Variants in ARHGEF28 observed in about 807,000 individuals in gnomAD.
The protein encoded by ARHGEF28 is Rho guanine nucleotide exchange factor 28, also known as 190 kDa guanine nucleotide exchange factor.
Under a neutral mutation model 206.6 loss-of-function variants are expected in ARHGEF28, and 152 were observed. The ratio of observed to expected loss-of-function variants is 0.74; its 90% CI spans 0.64 to 0.84. ARHGEF28 has a LOEUF of 0.84. ARHGEF28 is among the 40% of genes least tolerant of loss of function. ARHGEF28 has a pLI of 0.00. For missense variants in ARHGEF28, 2,028 were observed against 2,073.2 expected, an observed-to-expected ratio of 0.98 and a Z score of 0.42; for synonymous variants, 763 against 776.4, an observed-to-expected ratio of 0.98 and a Z score of 0.29.
intron 1 of ARHGEF28, among the ~76,000 whole-genome samples, chr5:73,648,587 G>A (rs1332510955): frequency 6.6e-6 from 1 of 152,226 alleles, no homozygotes; most frequent in Non-Finnish European, 1.5e-5. Flanking sequence ...AGGGCTGAAT[G>A]TTCCCTAAAC....
chr5:73,628,804 G>C (rs1743173306), intron 1 of ARHGEF28, among the ~76,000 whole-genome samples: 2 of 152,174 alleles, frequency 1.3e-5, no homozygotes, highest in African/African-American at 4.8e-5. Flanking sequence ...GCTGGGCTTT[G>C]AGATATTTTT....
intron 9 of ARHGEF28, among the ~76,000 whole-genome samples, chr5:73,797,638 C>T (rs1441190555): frequency 6.6e-6 from 1 of 152,140 alleles, no homozygotes; most frequent in Non-Finnish European, 1.5e-5. Flanking sequence ...CCAGCCTCGG[C>T]CTCCTAAAGT....
chr5:73,930,129 A>G (rs1273171274), intron 35 of ARHGEF28, among the ~76,000 whole-genome samples: 1 of 152,240 alleles, frequency 6.6e-6, no homozygotes, highest in Non-Finnish European at 1.5e-5. Context: ...TATTTCAAGT[A>G]TAACACCTAG....
intron 9 of ARHGEF28, among the ~76,000 whole-genome samples, chr5:73,801,001 TA>T (rs144525323): frequency 0.035 from 5,277 of 152,254 alleles, 314 homozygotes; most frequent in African/African-American, 0.12. Flanking sequence ...GTGCAGTCAA[TA>T]AGTGCTAGTT....
At chr5:73,754,216 A>AG (rs1203672359) in intron 4 of ARHGEF28, among the ~76,000 whole-genome samples, 1 of 152,194 alleles carries the variant, frequency 6.6e-6, no homozygotes. Flanking sequence ...CTCTGGGTAA[A>AG]GGGGTGTGAA....
chr5:73,869,120 A>G (rs1759902347), intron 20 of ARHGEF28, among the ~76,000 whole-genome samples: 2 of 146,544 alleles, frequency 1.4e-5, no homozygotes, highest in Non-Finnish European at 3.0e-5. Context: ...AAGTCTTTAA[A>G]TTCATTGTCA....
chr5:73,742,339 A>G (rs113205389), intron 2 of ARHGEF28, among the ~76,000 whole-genome samples: 6 of 152,178 alleles, frequency 3.9e-5, no homozygotes, highest in African/African-American at 1.4e-4. Context: ...ATATCTACAT[A>G]TAGCTATTTG....
In ARHGEF28 at chr5:73,840,775, T is replaced by G; in HGVS notation, c.1427+15T>G. ...AAGAAAAGAAGGTAAGAGTCTATAT[T>G]GTAGAGGAAAACTGTAGAACATCAA... On this transcript the variant is annotated intron_variant, in intron 11 of 35. Transcript: ENST00000513042. 6.3e-7 allele frequency: 1 copy of G among 1,596,200 alleles called. No individual in the cohort carries two copies. Among genetic ancestry groups the G allele is most frequent in the Non-Finnish European group, 8.5e-7 (1 of 1,170,868 alleles).
intron 35 of ARHGEF28, among the ~76,000 whole-genome samples, chr5:73,917,670 C>T (rs1266810626): frequency 6.6e-6 from 1 of 152,220 alleles, no homozygotes; most frequent in Non-Finnish European, 1.5e-5. Context: ...ATGCGGGTGT[C>T]TGTTCATCTC....
chr5:73,663,329 T>C (rs1427137185), intron 1 of ARHGEF28, among the ~76,000 whole-genome samples: 1 of 152,196 alleles, frequency 6.6e-6, no homozygotes, highest in African/African-American at 2.4e-5. Flanking sequence ...TTACAGGACA[T>C]TTAATATCTG....
Position 73,796,486 on chromosome 5 carries a change from C to T in ARHGEF28, c.1024+1095C>T, listed in dbSNP as rs1169204882. 2.0e-5 allele frequency among the ~76,000 whole-genome samples: 3 copies of T among 152,208 alleles called. No individual in the cohort carries two copies. In the East Asian group the frequency reaches 5.8e-4, roughly 29 times the overall value. ...TGAGCCTACACGTGCATGGGGCTCCCTGGAGGCTGAGGGAGTGTGGTTGGT... is the reference window on the plus strand; with the variant it reads ...TGAGCCTACACGTGCATGGGGCTCCTTGGAGGCTGAGGGAGTGTGGTTGGT... On this transcript the variant is annotated intron_variant, in intron 9 of 35. Transcript: ENST00000513042.
chr5:73,732,810 A>T (rs1246419060), intron 2 of ARHGEF28, among the ~76,000 whole-genome samples: 1 of 147,160 alleles, frequency 6.8e-6, no homozygotes, highest in African/African-American at 2.5e-5. Context: ...CTAAGAAAAA[A>T]GTGGTATATG....
At chr5:73,809,914 G>A (rs1392007318) in intron 9 of ARHGEF28, among the ~76,000 whole-genome samples, 4 of 152,094 alleles carry the variant, frequency 2.6e-5, no homozygotes, top group African/African-American at 4.8e-5. Flanking sequence ...TCTGCTGTCT[G>A]CAATTACAAT....
intron 9 of ARHGEF28, chr5:73,813,582 C>G: frequency 6.5e-7 from 1 of 1,535,544 alleles, no homozygotes; most frequent in Non-Finnish European, 8.7e-7. Flanking sequence ...TTCACCAAAA[C>G]AAAAAGATGG....
At chr5:73,628,607 G>T (rs559586433) in intron 1 of ARHGEF28, among the ~76,000 whole-genome samples, 1 of 152,252 alleles carries the variant, frequency 6.6e-6, no homozygotes, top group South Asian at 2.1e-4. Flanking sequence ...CCCCCCACCG[G>T]CCCCCGCCCA....
intron 2 of ARHGEF28, among the ~76,000 whole-genome samples, chr5:73,703,614 G>C (rs1459281611): frequency 1.3e-5 from 2 of 151,502 alleles, no homozygotes; most frequent in Admixed American, 6.6e-5. Context: ...TACTTGAAAG[G>C]CTTTAAAAAT....
At chr5:73,906,692 C>A (rs1762578029) in intron 33 of ARHGEF28, among the ~76,000 whole-genome samples, 3 of 152,038 alleles carry the variant, frequency 2.0e-5, no homozygotes, top group African/African-American at 7.2e-5. Context: ...TGCTGGAGAG[C>A]TTTGTAATTG....
intron 35 of ARHGEF28, among the ~76,000 whole-genome samples, chr5:73,939,583 C>T (rs1296906620): frequency 1.3e-5 from 2 of 152,210 alleles, no homozygotes; most frequent in African/African-American, 4.8e-5. Flanking sequence ...TTCATCGGCT[C>T]CTGTGGCCCT....
At chr5:73,637,210 G>A (rs933332222) in intron 1 of ARHGEF28, among the ~76,000 whole-genome samples, 5 of 152,242 alleles carry the variant, frequency 3.3e-5, no homozygotes, top group South Asian at 2.1e-4. Flanking sequence ...GCTCTGAAAT[G>A]TATGGCCTTT....
Sources: allele counts gnomAD v4.1 joint callset (sites outside exome capture counted in the v4.1 genomes callset), GRCh38; gene constraint gnomAD v4.1.1; transcripts MANE v1.5; gene names NCBI Gene and HGNC (gene_info 2026-07-23, HGNC 2026-07-21).